UNC13C: variants seen among roughly 807,000 people sequenced by gnomAD.
UNC13C encodes protein unc-13 homolog C.
In UNC13C, 174 loss-of-function variants were observed where a neutral mutation model predicts 245.4. The observed-to-expected ratio is 0.71, with a 90% CI of 0.63 to 0.80. UNC13C has a LOEUF of 0.80. Ranked by LOEUF, UNC13C falls within the 30% of genes least tolerant of loss-of-function variation. The pLI is 0.00. For missense variants in UNC13C, 2,829 were observed against 2,602.9 expected (o/e 1.09, Z -1.89); for synonymous variants, 992 against 895.1 (o/e 1.11, Z -1.93).
intron 30 of UNC13C, among the ~76,000 whole-genome samples, chr15:54,605,547 GA>G (rs1181253647): frequency 6.6e-6 from 1 of 152,106 alleles, no homozygotes; most frequent in African/African-American, 2.4e-5. Flanking sequence ...GTAGCTGCTG[GA>G]GCTCCACTTC....
intron 1 of UNC13C, among the ~76,000 whole-genome samples, chr15:53,995,949 G>A (rs540057336): frequency 9.2e-5 from 14 of 152,290 alleles, no homozygotes; most frequent in African/African-American, 3.4e-4. Flanking sequence ...GTAGCTGGAG[G>A]AGGTAATGCT....
At chr15:54,274,963 C>T (rs567084910) in intron 10 of UNC13C, among the ~76,000 whole-genome samples, 196 of 152,072 alleles carry the variant, frequency 1.3e-3, no homozygotes, top group Non-Finnish European at 2.1e-3. Context: ...AGCCACCACG[C>T]GCGGCCTAAG....
intron 19 of UNC13C, among the ~76,000 whole-genome samples, chr15:54,464,942 C>G (rs1892087657): frequency 1.3e-5 from 2 of 151,268 alleles, no homozygotes; most frequent in Non-Finnish European, 1.5e-5. Context: ...CATTCATTGT[C>G]TAGCCCCAAT....
intron 2 of UNC13C, among the ~76,000 whole-genome samples, chr15:54,109,771 T>G (rs1900671038): frequency 6.6e-6 from 1 of 152,152 alleles, no homozygotes; most frequent in Non-Finnish European, 1.5e-5. Context: ...ATTATGAAAC[T>G]GGATTGTGAG....
At chr15:54,605,039 A>C (rs999906133) in intron 30 of UNC13C, among the ~76,000 whole-genome samples, 3 of 152,206 alleles carry the variant, frequency 2.0e-5, no homozygotes, top group Non-Finnish European at 4.4e-5. Flanking sequence ...CTGCATCAGC[A>C]GGGGAACTCA....
intron 29 of UNC13C, among the ~76,000 whole-genome samples, chr15:54,561,235 G>A (rs372132966): frequency 8.6e-5 from 13 of 152,010 alleles, no homozygotes; most frequent in South Asian, 6.2e-4. Context: ...CATTCTCTCC[G>A]GGAGTTTCTA....
At chr15:54,147,716 G>T (rs143054393) in intron 4 of UNC13C, among the ~76,000 whole-genome samples, 116 of 149,922 alleles carry the variant, frequency 7.7e-4, no homozygotes, top group African/African-American at 2.6e-3. Context: ...GTGTGTGTGT[G>T]TGTGTGTATT....
intron 19 of UNC13C, among the ~76,000 whole-genome samples, chr15:54,451,986 TGC>T (rs1891205860): frequency 6.6e-6 from 1 of 152,222 alleles, no homozygotes; most frequent in African/African-American, 2.4e-5. Context: ...TGATTCTCAG[TGC>T]ATGCAGTAGT....
intron 2 of UNC13C, among the ~76,000 whole-genome samples, chr15:54,073,590 A>T (rs561507544): frequency 6.6e-6 from 1 of 152,322 alleles, no homozygotes; most frequent in African/African-American, 2.4e-5. Flanking sequence ...GGCATGAGAT[A>T]GCATCTCATT....
At chr15:53,917,521 A>G in the UNC13C span, among the ~76,000 whole-genome samples, 4 of 152,254 alleles carry the variant, frequency 2.6e-5, no homozygotes, top group Non-Finnish European at 5.9e-5. Context: ...CAGGCTTGAT[A>G]CTGGTGGAGA....
At position 54,159,477 on chromosome 15, in the gene UNC13C, A is replaced by G. The variant is rs114329594; in HGVS notation, c.3071+15793A>G. ...TTTGATTAGAGGATGCAGATGCCTA[A>G]GGCACTGTTTCCTTGTGCATGTTGT... On this transcript the variant is annotated intron_variant, in intron 4 of 32. Transcript: ENST00000260323. Among the ~76,000 whole-genome samples the G allele has an allele frequency of 8.4e-3, 1,282 of 152,358 alleles. 26 individuals carry two copies. The highest frequency in any genetic ancestry group is 0.029 in the African/African-American group (1,219 of 41,584).
Position 54,327,310 on chromosome 15 carries a change from A to G in UNC13C, c.4426-4733A>G, listed in dbSNP as rs78849930. 4.1e-3 allele frequency among the ~76,000 whole-genome samples: 620 copies of G among 152,122 alleles called. 26 individuals are homozygous for G. The East Asian group carries it at 0.087, about 21-fold the overall frequency. On this transcript the variant is annotated intron_variant, in intron 14 of 32. Coordinates refer to ENST00000260323, the MANE Select transcript of UNC13C (RefSeq NM_001080534.3). ...TTTTATTGACTGACCAACCTCTATA[A>G]TATTTTCTTTCTACACATTTTTGGC...
intron 24 of UNC13C, among the ~76,000 whole-genome samples, chr15:54,524,677 C>T (rs954458372): frequency 1.3e-5 from 2 of 152,100 alleles, no homozygotes; most frequent in Non-Finnish European, 2.9e-5. Flanking sequence ...GGAGTTTAAA[C>T]TGATATTAGG....
intron 4 of UNC13C, among the ~76,000 whole-genome samples, chr15:54,201,134 C>G (rs1191101148): frequency 6.6e-6 from 1 of 151,886 alleles, no homozygotes; most frequent in Non-Finnish European, 1.5e-5. Flanking sequence ...AATCTCTGAA[C>G]AGACCAATAA....
intron 2 of UNC13C, among the ~76,000 whole-genome samples, chr15:54,126,337 A>G (rs1278998095): frequency 1.3e-5 from 2 of 152,214 alleles, no homozygotes; most frequent in East Asian, 3.8e-4. Context: ...CCATGCTAAT[A>G]TTAGATAAAG....
chr15:54,167,527 AAAAT>A lies in UNC13C; in HGVS notation c.3071+23846_3071+23849del, dbSNP rs1449301127. 2.7e-5 allele frequency among the ~76,000 whole-genome samples: 4 copies of A among 147,958 alleles called. No individual in the cohort carries two copies. In the East Asian group the frequency reaches 7.9e-4, roughly 29 times the overall value. The stretch of plus-strand genomic sequence containing the variant: ...AAAAAAAAAAAAAAAAAAGAAAAGA[AAAAT>A]AAGAGAAGATACTCTTGAACAGATG... On this transcript the variant is annotated intron_variant, in intron 4 of 32. Transcript: ENST00000260323.
At chr15:54,408,849 A>C (rs946680515) in intron 18 of UNC13C, among the ~76,000 whole-genome samples, 3 of 152,194 alleles carry the variant, frequency 2.0e-5, no homozygotes, top group Non-Finnish European at 4.4e-5. Flanking sequence ...AATTTGCTTT[A>C]TTCACCTAAT....
chr15:54,301,949 T>C (rs1384593455), intron 13 of UNC13C, among the ~76,000 whole-genome samples: 1 of 152,170 alleles, frequency 6.6e-6, no homozygotes, highest in African/African-American at 2.4e-5. Context: ...CTCCAGCATC[T>C]GTTGTTTCCT....
At chr15:54,602,612 T>G (rs1037054483) in intron 30 of UNC13C, among the ~76,000 whole-genome samples, 7 of 152,330 alleles carry the variant, frequency 4.6e-5, no homozygotes, top group Admixed American at 1.3e-4. Context: ...TTAAGTATTT[T>G]AACCTTTATT....
Sources: gnomAD v4.1 joint callset for allele counts (sites outside exome capture counted in the v4.1 genomes callset) on GRCh38, gnomAD v4.1.1 for gene constraint, MANE v1.5 for transcripts, NCBI Gene and HGNC (gene_info 2026-07-23, HGNC 2026-07-21) for gene names.